Variants in RPS6KA2 observed in about 807,000 individuals in gnomAD.
The protein encoded by RPS6KA2 is ribosomal protein S6 kinase A2, also known as ribosomal protein S6 kinase alpha-2.
Under a neutral mutation model 91.8 loss-of-function variants are expected in RPS6KA2, and 42 were observed. The ratio of observed to expected loss-of-function variants is 0.46; its 90% confidence interval spans 0.36 to 0.59. The LOEUF is 0.59. Among genes scored for constraint, RPS6KA2 ranks in the 20% least tolerant of loss-of-function variants. The pLI is 0.00. For synonymous variants in RPS6KA2, 414 were observed against 393.6 expected, an observed-to-expected ratio of 1.05 and a Z score of -0.61; for missense variants, 798 against 978.5, an observed-to-expected ratio of 0.82 and a Z score of 2.46.
chr6:166,446,543 G>A (rs1779684882), intron 14 of RPS6KA2, among the ~76,000 whole-genome samples: 1 of 152,208 alleles, frequency 6.6e-6, no homozygotes. Context: ...CCCGAGAGCT[G>A]TTGCTGAAAT....
At chr6:166,537,064 A>G (rs953415584) in intron 2 of RPS6KA2, among the ~76,000 whole-genome samples, 2 of 152,258 alleles carry the variant, frequency 1.3e-5, no homozygotes, top group African/African-American at 2.4e-5. Context: ...GGACATTGGT[A>G]AGATTCACTC....
chr6:166,499,135 C>G (rs1031689534), intron 7 of RPS6KA2, among the ~76,000 whole-genome samples: 3 of 152,194 alleles, frequency 2.0e-5, no homozygotes, highest in Non-Finnish European at 4.4e-5. Context: ...AGAGCACAGA[C>G]AGGCGGAGGA....
At chr6:166,735,119 T>C (rs1349620661) in intron 2 of RPS6KA2, among the ~76,000 whole-genome samples, 1 of 152,240 alleles carries the variant, frequency 6.6e-6, no homozygotes, top group Non-Finnish European at 1.5e-5. Context: ...AGCGTGTCCA[T>C]GCTGGAGAAG....
intron 2 of RPS6KA2, among the ~76,000 whole-genome samples, chr6:166,777,539 C>T (rs1455338983): frequency 1.3e-5 from 2 of 151,832 alleles, no homozygotes; most frequent in Admixed American, 6.6e-5. Context: ...AAAAATGGAG[C>T]CAAGAATTCC....
Position 166,411,457 on chromosome 6 carries a change from AC to A in RPS6KA2, c.*1304del, listed in dbSNP as rs886347492. ...CAACACCCTTACAGGACAATGAAGG[AC>A]CCGTGTGTTCCCTCTGCCGGCTGGA... On this transcript the variant is annotated 3_prime_UTR_variant, in exon 21 of 21. Coordinates refer to ENST00000265678, the MANE Select transcript of RPS6KA2 (RefSeq NM_021135.6). This position sits in a 1 kb window ranked among gnomAD's most constrained non-coding sequence, Gnocchi z 4.5. 6.6e-6 allele frequency: 1 copy of A among 152,104 alleles called. No homozygotes were observed. The highest frequency in any genetic ancestry group is 2.4e-5 in the African/African-American group (1 of 41,398). 9.4% of individuals were successfully genotyped at this position (152,104 alleles called of 1,614,324 possible).
rs1204627146 is a variant in RPS6KA2, at chr6:166,411,092, T to C, written c.*1670A>G. The C allele has an allele frequency of 1.5e-5, 1 of 68,020 alleles. No homozygotes were observed. Among genetic ancestry groups the C allele is most frequent in the African/African-American group, 6.3e-5 (1 of 15,762 alleles). The allele number at this position is 68,020 out of a possible 1,614,324, so 4.2% of individuals were successfully genotyped here. A position where few individuals can be genotyped will look rare whatever the true frequency, so the allele number is the denominator to read the frequency against. On this transcript the variant is annotated 3_prime_UTR_variant, in exon 21 of 21. Coordinates refer to ENST00000265678, the MANE Select transcript of RPS6KA2 (RefSeq NM_021135.6). This position sits in a 1 kb window ranked among gnomAD's most constrained non-coding sequence, Gnocchi z 4.5. ...TCCGACTTGCTCCTTTTATGTTTTGTGGTTCTCTAAGAAAAAAAAAATCCA... is the reference window on the plus strand; with the variant it reads ...TCCGACTTGCTCCTTTTATGTTTTGCGGTTCTCTAAGAAAAAAAAAATCCA...
chr6:166,624,771 T>C (rs2128542303), intron 1 of RPS6KA2, among the ~76,000 whole-genome samples: 1 of 152,292 alleles, frequency 6.6e-6, no homozygotes, highest in East Asian at 1.9e-4. Flanking sequence ...TACCCCGATT[T>C]TCACAAGTAT....
At chr6:166,641,770 T>C (rs148418763) in intron 2 of RPS6KA2, among the ~76,000 whole-genome samples, 1,397 of 57,310 alleles carry the variant, frequency 0.024, 14 homozygotes, top group Non-Finnish European at 0.041. Flanking sequence ...AAAAATTCAA[T>C]AGATCAATTA....
rs1246303191 is a variant in RPS6KA2, at chr6:166,554,706, G to GTTTTGTTT, written c.100-15930_100-15923dup. On this transcript the variant is annotated intron_variant, in intron 1 of 20. Coordinates refer to ENST00000265678, the MANE Select transcript of RPS6KA2 (RefSeq NM_021135.6). The surrounding 1 kb of genome is among the most constrained non-coding windows in gnomAD (Gnocchi z 4.3). The stretch of plus-strand genomic sequence containing the variant: ...CAAAACCAACCTGCTGTCTGAAAGG[G>GTTTTGTTT]TTTTGTTTTTTTGTTTTTTTCTAAG... 1.3e-5 allele frequency among the ~76,000 whole-genome samples: 2 copies of GTTTTGTTT among 152,210 alleles called. No homozygotes were observed. The highest frequency in any genetic ancestry group is 2.9e-5 in the Non-Finnish European group (2 of 68,040).
intron 2 of RPS6KA2, among the ~76,000 whole-genome samples, chr6:166,779,471 A>C (rs1006171697): frequency 6.6e-6 from 1 of 152,148 alleles, no homozygotes; most frequent in African/African-American, 2.4e-5. Flanking sequence ...TGACTGAGAC[A>C]TTGGAGGAGG....
chr6:166,669,888 C>T (rs896569755), intron 2 of RPS6KA2, among the ~76,000 whole-genome samples: 1 of 152,180 alleles, frequency 6.6e-6, no homozygotes, highest in Non-Finnish European at 1.5e-5. Flanking sequence ...TAGCCACCCT[C>T]CTGCAGGTGT....
At position 166,770,824 on chromosome 6, in the gene RPS6KA2, A is replaced by G. The variant is rs957507966; in HGVS notation, c.123+87376T>C. 15 of 1,550,294 alleles carry G rather than the reference A, an allele frequency of 9.7e-6. No individual in the cohort carries two copies. Among genetic ancestry groups the G allele is most frequent in the Non-Finnish European group, 1.3e-5 (15 of 1,158,160 alleles). On this transcript the variant is annotated intron_variant, in intron 2 of 21. Transcript: ENST00000503859. This position sits in a 1 kb window ranked among gnomAD's most constrained non-coding sequence, Gnocchi z 5.1. ...CTTAAAAAAAAAATGTAACTCACAT[A>G]AGCATGGAAAAAAACAAACCCACAG...
chr6:166,526,202 A>AC (rs1344437339), intron 3 of RPS6KA2, among the ~76,000 whole-genome samples: 2 of 151,916 alleles, frequency 1.3e-5, no homozygotes, highest in Non-Finnish European at 2.9e-5. Context: ...ATTTTTGGGA[A>AC]AAAAAAATCT....
chr6:166,700,583 G>A (rs1789480284), intron 2 of RPS6KA2, among the ~76,000 whole-genome samples: 3 of 152,078 alleles, frequency 2.0e-5, no homozygotes. Flanking sequence ...TGTCAACACC[G>A]TTCAGCACTT....
intron 2 of RPS6KA2, among the ~76,000 whole-genome samples, chr6:166,774,855 C>CTTTTTTTTTTTTTTTTTT (rs1562431973): frequency 2.0e-5 from 3 of 151,308 alleles, no homozygotes; most frequent in African/African-American, 4.9e-5. Flanking sequence ...GGCATGTGTG[C>CTTTTTTTTTTTTTTTTTT]TTCTTGTCTG....
At chr6:166,440,142 G>C (rs1446229997) in intron 14 of RPS6KA2, 1 of 152,230 alleles carries the variant, frequency 6.6e-6, no homozygotes, top group Non-Finnish European at 1.5e-5. Flanking sequence ...TAGATGTGGG[G>C]TAATGTGTTG....
At chr6:166,687,424 TC>T (rs1301034978) in intron 2 of RPS6KA2, among the ~76,000 whole-genome samples, 30 of 152,138 alleles carry the variant, frequency 2.0e-4, no homozygotes, top group African/African-American at 7.2e-4. Flanking sequence ...CAGTGGCACC[TC>T]CCTGCCTGTG....
chr6:166,841,460 G>T (rs1042002190), intron 2 of RPS6KA2, among the ~76,000 whole-genome samples: 3 of 152,258 alleles, frequency 2.0e-5, no homozygotes, highest in Admixed American at 1.3e-4. Context: ...TCCAAAGCCT[G>T]AAGATGAAAG....
chr6:166,682,004 C>T (rs1376275042), intron 2 of RPS6KA2, among the ~76,000 whole-genome samples: 1 of 152,092 alleles, frequency 6.6e-6, no homozygotes, highest in East Asian at 1.9e-4. Flanking sequence ...CAAGAATATA[C>T]AAAGAAAACT....
Sources: allele counts gnomAD v4.1 joint callset (sites outside exome capture counted in the v4.1 genomes callset), GRCh38; gene constraint gnomAD v4.1.1; non-coding constraint Gnocchi (gnomAD v3.1); transcripts MANE v1.5; gene names NCBI Gene and HGNC (gene_info 2026-07-23, HGNC 2026-07-21).